The following CNTN4 variants were observed in gnomAD, a reference collection of about 807,000 sequenced individuals.
The protein encoded by CNTN4 is contactin-4.
Under a neutral mutation model 122.5 loss-of-function variants are expected in CNTN4, and 77 were observed. The observed-to-expected ratio is 0.63, with a 90% confidence interval of 0.52 to 0.76. The LOEUF (loss-of-function observed/expected upper bound fraction) is 0.76, where lower values mean the gene tolerates loss of function less well. Among genes scored for constraint, CNTN4 ranks in the 30% least tolerant of loss-of-function variants. CNTN4 has a pLI of 0.00. For synonymous variants in CNTN4, 512 were observed against 447.0 expected, an observed-to-expected ratio of 1.15 and a Z score of -1.83; for missense variants, 1,256 against 1,259.1, an observed-to-expected ratio of 1.00 and a Z score of 0.04.
chr3:3,037,543 T>C, intron 18 of CNTN4: 1 of 614,472 alleles, frequency 1.6e-6, no homozygotes, highest in East Asian at 3.1e-5. Flanking sequence ...TAGGTCCACT[T>C]GTACAGCAAG....
chr3:2,434,919 G>A (rs916521705), intron 3 of CNTN4, among the ~76,000 whole-genome samples: 18 of 152,126 alleles, frequency 1.2e-4, no homozygotes, highest in African/African-American at 4.1e-4. Flanking sequence ...AGCATTTAAA[G>A]TCGTCATTAT....
chr3:2,565,814 T>G (rs910247364), intron 3 of CNTN4, among the ~76,000 whole-genome samples: 8 of 152,182 alleles, frequency 5.3e-5, no homozygotes, highest in Non-Finnish European at 1.0e-4. Context: ...CCATTGTGAT[T>G]GACTGCACCC....
Position 2,745,553 on chromosome 3 carries a change from G to A in CNTN4, c.214G>A (p.Gly72Ser), listed in dbSNP as rs761792251. 5.6e-6 allele frequency: 9 copies of A among 1,613,932 alleles called. No homozygotes were observed. The South Asian group carries it at 7.7e-5, about 14-fold the overall frequency. ...WKLNGTDVDT[G>S]MDFRYSVVEG... ...GTTAAATGGAACAGATGTTGACACT[G>A]GTATGGATTTCCGCTACAGTGTTGT... Residue 72 changes from glycine to serine, a missense_variant, in exon 6 of 25, where the codon GGT becomes AGT. By Grantham distance (56) the Gly-to-Ser change is moderately conservative (BLOSUM62 0). Coordinates refer to ENST00000418658, the MANE Select transcript of CNTN4 (RefSeq NM_175607.3).
At chr3:2,468,325 G>A (rs535003250) in intron 3 of CNTN4, among the ~76,000 whole-genome samples, 2 of 152,214 alleles carry the variant, frequency 1.3e-5, no homozygotes, top group South Asian at 2.1e-4. Context: ...CGTGTTCCAT[G>A]TTGTATGCTA....
chr3:2,986,578 T>G (rs1041126138), intron 13 of CNTN4, among the ~76,000 whole-genome samples: 1 of 152,150 alleles, frequency 6.6e-6, no homozygotes, highest in Non-Finnish European at 1.5e-5. Flanking sequence ...TATGCAGCAT[T>G]TGCAACCCAG....
At chr3:2,675,108 G>A (rs757264459) in intron 4 of CNTN4, among the ~76,000 whole-genome samples, 15 of 151,660 alleles carry the variant, frequency 9.9e-5, no homozygotes, top group Middle Eastern at 3.4e-3. Context: ...GCAGTGGAGA[G>A]ACAGTCTTAC....
At chr3:2,300,696 C>T (rs1324384947) in intron 2 of CNTN4, among the ~76,000 whole-genome samples, 2 of 150,368 alleles carry the variant, frequency 1.3e-5, no homozygotes, top group South Asian at 4.2e-4. Context: ...CTCAGCCTCT[C>T]GAGTAGCTGG....
chr3:2,693,328 C>T (rs1157698491), intron 4 of CNTN4, among the ~76,000 whole-genome samples: 1 of 152,120 alleles, frequency 6.6e-6, no homozygotes, highest in African/African-American at 2.4e-5. Flanking sequence ...ACAAAAATCT[C>T]CTCCGGTCCC....
chr3:2,518,774 A>G (rs1358356801), intron 3 of CNTN4, among the ~76,000 whole-genome samples: 1 of 152,132 alleles, frequency 6.6e-6, no homozygotes, highest in Non-Finnish European at 1.5e-5. Context: ...ACTTGTGATG[A>G]TGATGTGGAA....
At chr3:2,356,013 T>G (rs114020740) in intron 3 of CNTN4, among the ~76,000 whole-genome samples, 295 of 152,278 alleles carry the variant, frequency 1.9e-3, no homozygotes, top group African/African-American at 5.1e-3. Flanking sequence ...GCTTTTTACC[T>G]TGATTGGCTC....
intron 3 of CNTN4, among the ~76,000 whole-genome samples, chr3:2,446,252 T>TAG (rs964734802): frequency 1.3e-5 from 2 of 152,178 alleles, no homozygotes; most frequent in African/African-American, 4.8e-5. Flanking sequence ...TTTAACCTCT[T>TAG]AGAGAGAACG....
intron 24 of CNTN4, among the ~76,000 whole-genome samples, chr3:3,054,863 T>TA (rs1321551574): frequency 2.6e-5 from 4 of 151,860 alleles, no homozygotes; most frequent in Admixed American, 6.6e-5. Context: ...TTTACAGCAA[T>TA]AAAAAAAAGA....
Position 2,763,044 on chromosome 3 carries a change from C to A in CNTN4, c.358+17347C>A, listed in dbSNP as rs1352592035. ...ACAAGCTCCGCCTCCCGGGTTCATG[C>A]CATTCTCCCGCCTCAGCCTCCCAAG... On this transcript the variant is annotated intron_variant, in intron 6 of 24. Coordinates refer to ENST00000418658, the MANE Select transcript of CNTN4 (RefSeq NM_175607.3). Among the ~76,000 whole-genome samples the A allele has an allele frequency of 6.0e-5, 9 of 150,366 alleles. No individual in the cohort carries two copies. The East Asian group carries it at 1.8e-3, about 30-fold the overall frequency.
intron 3 of CNTN4, among the ~76,000 whole-genome samples, chr3:2,389,998 A>C (rs1160332378): frequency 2.0e-5 from 3 of 152,214 alleles, no homozygotes; most frequent in Non-Finnish European, 2.9e-5. Flanking sequence ...GAACTATCTC[A>C]GATTTGCTTT....
At chr3:2,837,504 T>A (rs921356458) in intron 7 of CNTN4, among the ~76,000 whole-genome samples, 3 of 152,144 alleles carry the variant, frequency 2.0e-5, no homozygotes, top group Non-Finnish European at 4.4e-5. Flanking sequence ...TGCAGTGACG[T>A]GCATTTCATC....
intron 3 of CNTN4, among the ~76,000 whole-genome samples, chr3:2,365,564 G>C (rs2045345559): frequency 6.6e-6 from 1 of 152,192 alleles, no homozygotes; most frequent in Non-Finnish European, 1.5e-5. Flanking sequence ...GTGGGAGAAA[G>C]AGACAATAGA....
At chr3:2,389,672 G>A (rs1223566762) in intron 3 of CNTN4, among the ~76,000 whole-genome samples, 1 of 151,880 alleles carries the variant, frequency 6.6e-6, no homozygotes, top group African/African-American at 2.4e-5. Flanking sequence ...CTCCTTCATT[G>A]ATGTATCCCC....
intron 7 of CNTN4, among the ~76,000 whole-genome samples, chr3:2,831,857 A>G (rs188446444): frequency 6.6e-6 from 1 of 152,354 alleles, no homozygotes; most frequent in Admixed American, 6.5e-5. Context: ...GGAAATGCCA[A>G]GATGCTTCAG....
Position 2,238,820 on chromosome 3 carries a change from C to T in CNTN4, c.-144-100358C>T, listed in dbSNP as rs1390291991. The T allele has an allele frequency of 2.8e-4, 29 of 105,148 alleles. 3 individuals are homozygous for T. The highest frequency in any genetic ancestry group is 8.3e-4 in the African/African-American group (26 of 31,258). The allele number at this position is 105,148 out of a possible 1,614,324, so 6.5% of individuals were successfully genotyped here. ...TCGGCTCACTGCAAGCTCCGCCTCC[C>T]GGGTTCCCGCCATTCTCCCGCCTCA... On this transcript the variant is annotated intron_variant, in intron 2 of 24. Coordinates refer to ENST00000418658, the MANE Select transcript of CNTN4 (RefSeq NM_175607.3).
Sources: allele counts gnomAD v4.1 joint callset (sites outside exome capture counted in the v4.1 genomes callset), GRCh38; gene constraint gnomAD v4.1.1; transcripts MANE v1.5; gene names NCBI Gene and HGNC (gene_info 2026-07-23, HGNC 2026-07-21).